TAFA4: variants seen among roughly 807,000 people sequenced by gnomAD.
TAFA4 encodes chemokine-like protein TAFA-4.
Under a neutral mutation model 21.1 loss-of-function variants are expected in TAFA4, and 20 were observed. The observed-to-expected ratio is 0.95, with a 90% CI of 0.67 to 1.38. The LOEUF is 1.38. Ranked by LOEUF, TAFA4 falls within the 40% of genes most tolerant of loss-of-function variation. The pLI is 0.00. For missense variants in TAFA4, 211 were observed against 180.9 expected (o/e 1.17, Z -0.95); for synonymous variants, 71 against 67.4 (o/e 1.05, Z -0.26).
chr3:68,764,439 C>T (rs572512521), intron 3 of TAFA4, among the ~76,000 whole-genome samples: 1 of 152,192 alleles, frequency 6.6e-6, no homozygotes, highest in East Asian at 1.9e-4. Context: ...TAGAAGCCCC[C>T]ACTGACTAAT....
At chr3:68,875,730 A>G (rs926180504) in intron 3 of TAFA4, among the ~76,000 whole-genome samples, 1 of 152,130 alleles carries the variant, frequency 6.6e-6, no homozygotes, top group African/African-American at 2.4e-5. Context: ...GGTTGATATC[A>G]CATGCATAAA....
At position 68,903,523 on chromosome 3, in the gene TAFA4, G is replaced by T. The variant is rs564302765; in HGVS notation, c.-122-18213C>A. Among the ~76,000 whole-genome samples the T allele has an allele frequency of 2.0e-5, 3 of 152,296 alleles. No individual in the cohort carries two copies. In the East Asian group the frequency reaches 5.8e-4, roughly 29 times the overall value. The stretch of plus-strand genomic sequence containing the variant: ...TATGTAGTTAACAGGCTTGCTTGAA[G>T]ATCATGTTGTTAAATGAATACAGAA... On this transcript the variant is annotated intron_variant, in intron 1 of 5. Transcript: ENST00000295569.
chr3:68,817,378 G>T (rs1193391884), intron 3 of TAFA4, among the ~76,000 whole-genome samples: 4 of 152,092 alleles, frequency 2.6e-5, no homozygotes, highest in African/African-American at 9.7e-5. Flanking sequence ...CTCCACAGAA[G>T]TCTCAAATTC....
At chr3:68,864,696 TATC>T (rs750999362) in intron 3 of TAFA4, among the ~76,000 whole-genome samples, 3 of 152,160 alleles carry the variant, frequency 2.0e-5, no homozygotes, top group Admixed American at 6.6e-5. Flanking sequence ...TCCAAGTGTT[TATC>T]AACAAGTGAA....
intron 3 of TAFA4, among the ~76,000 whole-genome samples, chr3:68,785,206 A>C (rs1288933291): frequency 6.6e-6 from 1 of 152,216 alleles, no homozygotes; most frequent in Non-Finnish European, 1.5e-5. Context: ...GCTAGACATA[A>C]AGGTTCTCCA....
chr3:68,840,313 T>C (rs1704631272), intron 3 of TAFA4, among the ~76,000 whole-genome samples: 1 of 152,012 alleles, frequency 6.6e-6, no homozygotes, highest in East Asian at 1.9e-4. Flanking sequence ...GTTTAAGTGA[T>C]CCCCCCACCT....
At chr3:68,918,246 T>C (rs769469368) in intron 1 of TAFA4, among the ~76,000 whole-genome samples, 1 of 151,896 alleles carries the variant, frequency 6.6e-6, no homozygotes, top group Non-Finnish European at 1.5e-5. Flanking sequence ...AAATGAGAGA[T>C]GGTCAGTGTG....
At chr3:68,822,965 C>T (rs1156442300) in intron 3 of TAFA4, among the ~76,000 whole-genome samples, 2 of 152,152 alleles carry the variant, frequency 1.3e-5, no homozygotes, top group African/African-American at 2.4e-5. Flanking sequence ...AAAAGAATGG[C>T]TTTGGCATTT....
chr3:68,771,432 G>C (rs1702955409), intron 3 of TAFA4, among the ~76,000 whole-genome samples: 1 of 152,198 alleles, frequency 6.6e-6, no homozygotes, highest in African/African-American at 2.4e-5. Context: ...CTCTGTATCT[G>C]CCCATCTGCA....
chr3:68,895,092 G>A (rs960963022), intron 1 of TAFA4, among the ~76,000 whole-genome samples: 1 of 152,060 alleles, frequency 6.6e-6, no homozygotes, highest in Non-Finnish European at 1.5e-5. Flanking sequence ...CTGCCTCCTG[G>A]GTTCAAGCAA....
intron 3 of TAFA4, among the ~76,000 whole-genome samples, chr3:68,866,325 C>A (rs1263550809): frequency 6.6e-6 from 1 of 151,900 alleles, no homozygotes; most frequent in Non-Finnish European, 1.5e-5. Flanking sequence ...GAGCTCTGAA[C>A]CTTAGTGAGA....
At chr3:68,854,585 A>G (rs2106913980) in intron 3 of TAFA4, among the ~76,000 whole-genome samples, 1 of 152,298 alleles carries the variant, frequency 6.6e-6, no homozygotes, top group East Asian at 1.9e-4. Context: ...CACAGAATAA[A>G]GAACAAATAT....
intron 3 of TAFA4, among the ~76,000 whole-genome samples, chr3:68,847,389 G>A (rs544566477): frequency 6.6e-6 from 1 of 152,342 alleles, no homozygotes; most frequent in East Asian, 1.9e-4. Context: ...GAGCATCCCA[G>A]GTCAACTTCA....
chr3:68,763,281 G>A (rs1440430791), intron 3 of TAFA4, among the ~76,000 whole-genome samples: 2 of 152,124 alleles, frequency 1.3e-5, no homozygotes, highest in Non-Finnish European at 2.9e-5. Context: ...GTAAAATGGA[G>A]GATGATATAT....
At chr3:68,887,775 G>T (rs567354821) in intron 1 of TAFA4, among the ~76,000 whole-genome samples, 1 of 152,188 alleles carries the variant, frequency 6.6e-6, no homozygotes, top group East Asian at 1.9e-4. Context: ...GGTCCCACAG[G>T]TACCCCTCTT....
At chr3:68,853,930 C>T (rs17048068) in intron 3 of TAFA4, among the ~76,000 whole-genome samples, 5,497 of 152,154 alleles carry the variant, frequency 0.036, 316 homozygotes, top group African/African-American at 0.12. Context: ...TTCAGTGATT[C>T]AGCAAATATT....
At chr3:68,775,822 C>A (rs1703038423) in intron 3 of TAFA4, among the ~76,000 whole-genome samples, 1 of 152,100 alleles carries the variant, frequency 6.6e-6, no homozygotes, top group Admixed American at 6.6e-5. Flanking sequence ...AAGAGATAGA[C>A]CTGTTTCCTG....
chr3:68,902,053 A>G (rs764661131), intron 1 of TAFA4, among the ~76,000 whole-genome samples: 20 of 152,230 alleles, frequency 1.3e-4, no homozygotes, highest in Non-Finnish European at 2.4e-4. Flanking sequence ...TCTAGAGCCT[A>G]TATAAGAACT....
intron 3 of TAFA4, among the ~76,000 whole-genome samples, chr3:68,829,603 C>T (rs1034622003): frequency 1.7e-4 from 26 of 152,132 alleles, no homozygotes; most frequent in Admixed American, 3.9e-4. Flanking sequence ...TATTTTATGG[C>T]GGATTTTCGC....
Sources: allele counts gnomAD v4.1 joint callset (sites outside exome capture counted in the v4.1 genomes callset), GRCh38; gene constraint gnomAD v4.1.1; transcripts MANE v1.5; gene names NCBI Gene and HGNC (gene_info 2026-07-23, HGNC 2026-07-21).